MBP: variants seen among roughly 807,000 people sequenced by gnomAD.
MBP encodes Golli-MBP.
A neutral mutation model predicts 35.8 loss-of-function variants in MBP; 16 were observed. That is an observed-to-expected ratio of 0.45 (90% CI 0.30 to 0.68). The LOEUF (loss-of-function observed/expected upper bound fraction) is 0.68, where lower values mean the gene tolerates loss of function less well. Ranked by LOEUF, MBP falls within the 30% of genes least tolerant of loss-of-function variation. The probability of loss-of-function intolerance (pLI) is 0.08; values close to 1 mark genes in which losing one functional copy is unlikely to be tolerated. For synonymous variants in MBP, 143 were observed against 159.6 expected (o/e 0.90, Z 0.78); for missense variants, 380 against 404.7 (o/e 0.94, Z 0.52).
intron 3 of MBP, among the ~76,000 whole-genome samples, chr18:77,022,748 C>A (rs1416479804): frequency 6.6e-6 from 1 of 152,124 alleles, no homozygotes; most frequent in African/African-American, 2.4e-5. Context: ...GCTTTGTGTC[C>A]CTGAATGCAG....
intron 2 of MBP, among the ~76,000 whole-genome samples, chr18:77,075,643 A>G (rs1974620084): frequency 6.6e-6 from 1 of 152,222 alleles, no homozygotes; most frequent in Non-Finnish European, 1.5e-5. Flanking sequence ...TAGGGACAAA[A>G]TGGTTTCTAT....
intron 3 of MBP, among the ~76,000 whole-genome samples, chr18:77,040,236 C>T (rs1199296469): frequency 6.6e-6 from 1 of 152,156 alleles, no homozygotes; most frequent in African/African-American, 2.4e-5. Flanking sequence ...AATGGTCCAT[C>T]CTCTTCAAGG....
chr18:77,038,086 G>T (rs1898460675), intron 3 of MBP, among the ~76,000 whole-genome samples: 1 of 152,150 alleles, frequency 6.6e-6, no homozygotes, highest in Non-Finnish European at 1.5e-5. Context: ...AACAGCCAGC[G>T]ACTACTAAGA....
intron 2 of MBP, among the ~76,000 whole-genome samples, chr18:77,099,766 C>G (rs1599244137): frequency 1.3e-5 from 2 of 152,362 alleles, no homozygotes; most frequent in South Asian, 4.1e-4. Flanking sequence ...GATGAGCGCT[C>G]TGCAGATGCA....
At chr18:77,013,125 C>G (rs955548930) in intron 4 of MBP, 1 of 985,324 alleles carries the variant, frequency 1.0e-6, no homozygotes, top group Non-Finnish European at 1.2e-6. Context: ...AGAGGAATGC[C>G]TATAAGAAAT....
intron 8 of MBP, chr18:76,981,067 A>C (rs996069323): frequency 1.9e-5 from 3 of 153,958 alleles, no homozygotes; most frequent in South Asian, 2.0e-4. Flanking sequence ...CGTTTGGGGG[A>C]CAAATAATTT....
intron 4 of MBP, chr18:77,015,120 C>A: frequency 1.1e-5 from 11 of 983,966 alleles, no homozygotes; most frequent in Non-Finnish European, 1.3e-5. Context: ...CTATGTGTGT[C>A]AATATTGTTT....
intron 3 of MBP, among the ~76,000 whole-genome samples, chr18:77,023,983 T>C (rs1972098014): frequency 6.6e-6 from 1 of 152,244 alleles, no homozygotes; most frequent in Non-Finnish European, 1.5e-5. Context: ...GAACGTTTGC[T>C]AATAGAAGAT....
At chr18:77,088,897 C>T (rs1391111002) in intron 2 of MBP, among the ~76,000 whole-genome samples, 1 of 152,192 alleles carries the variant, frequency 6.6e-6, no homozygotes, top group Non-Finnish European at 1.5e-5. Context: ...CAGATGAGAT[C>T]AGTCTGCATG....
At position 77,016,825 on chromosome 18, in the gene MBP, A is replaced by G; in HGVS notation, c.576+7T>C. ...AAACTAAAACTCCTCTACTCCTCAG[A>G]GCTCACCTTGCCAGAGCCCCGCTTG... On this transcript the variant is annotated splice_region_variant and intron_variant, in intron 4 of 8. Transcript: ENST00000355994. The G allele has an allele frequency of 6.2e-7, 1 of 1,613,870 alleles. No individual in the cohort carries two copies. Among genetic ancestry groups the G allele is most frequent in the Non-Finnish European group, 8.5e-7 (1 of 1,179,970 alleles).
intron 1 of MBP, among the ~76,000 whole-genome samples, chr18:77,125,260 C>T (rs542666695): frequency 1.5e-3 from 231 of 152,238 alleles, no homozygotes; most frequent in African/African-American, 5.2e-3. Context: ...ACTTCATTAT[C>T]GCTGGTGTCA....
At chr18:77,008,627 T>C (rs1971138905) in intron 4 of MBP, among the ~76,000 whole-genome samples, 1 of 152,178 alleles carries the variant, frequency 6.6e-6, no homozygotes, top group Non-Finnish European at 1.5e-5. Context: ...CACCTGGCCC[T>C]TGTCTGGCCC....
chr18:77,120,326 G>T (rs756734593), intron 1 of MBP, among the ~76,000 whole-genome samples: 1 of 152,206 alleles, frequency 6.6e-6, no homozygotes. Context: ...CCTCAGACGC[G>T]CTGCACACAC....
intron 7 of MBP, chr18:76,985,630 G>T: frequency 9.4e-7 from 1 of 1,058,630 alleles, no homozygotes; most frequent in Non-Finnish European, 1.1e-6. Flanking sequence ...GGCACGGGGG[G>T]CGGCCGCATC....
intron 2 of MBP, among the ~76,000 whole-genome samples, chr18:77,086,814 A>G (rs1389207077): frequency 1.3e-5 from 2 of 152,256 alleles, no homozygotes; most frequent in African/African-American, 4.8e-5. Flanking sequence ...CAGAACATCT[A>G]AATATTTTGT....
chr18:77,039,847 C>T (rs1037255763), intron 3 of MBP, among the ~76,000 whole-genome samples: 2 of 152,170 alleles, frequency 1.3e-5, no homozygotes, highest in Non-Finnish European at 1.5e-5. Flanking sequence ...GGGGTGGATG[C>T]CCAGCCCCTG....
intron 2 of MBP, among the ~76,000 whole-genome samples, chr18:77,091,261 GTTTGTA>G (rs1385890678): frequency 6.6e-6 from 1 of 152,130 alleles, no homozygotes; most frequent in African/African-American, 2.4e-5. Context: ...CTGACTTACA[GTTTGTA>G]TTTGGTTATA....
chr18:77,089,276 C>A (rs1975405365), intron 2 of MBP, among the ~76,000 whole-genome samples: 1 of 152,238 alleles, frequency 6.6e-6, no homozygotes, highest in Admixed American at 6.5e-5. Context: ...TCACACCTCA[C>A]CTGGCCAGTG....
chr18:77,067,866 C>G (rs781506982), intron 2 of MBP: 3 of 509,670 alleles, frequency 5.9e-6, no homozygotes, highest in Non-Finnish European at 1.2e-5. Context: ...TAAGACCACC[C>G]TGAAGTCTGA....
Sources: allele counts gnomAD v4.1 joint callset (sites outside exome capture counted in the v4.1 genomes callset), GRCh38; gene constraint gnomAD v4.1.1; transcripts MANE v1.5; gene names NCBI Gene and HGNC (gene_info 2026-07-23, HGNC 2026-07-21).